The following RPS6KA2 variants were observed in gnomAD, a reference collection of about 807,000 sequenced individuals.
The protein encoded by RPS6KA2 is ribosomal protein S6 kinase A2, also known as ribosomal protein S6 kinase alpha-2.
RPS6KA2 carries 42 observed loss-of-function variants against 91.8 expected under a neutral mutation model. That is an observed-to-expected ratio of 0.46 (90% CI 0.36 to 0.59). The LOEUF is 0.59. Among genes scored for constraint, RPS6KA2 ranks in the 20% least tolerant of loss-of-function variants. RPS6KA2 has a pLI of 0.00. For missense variants in RPS6KA2, 798 were observed against 978.5 expected (o/e 0.82, Z 2.46); for synonymous variants, 414 against 393.6 (o/e 1.05, Z -0.61).
At position 166,683,589 on chromosome 6, in the gene RPS6KA2, A is replaced by G. The variant is rs114454706; in HGVS notation, c.124-144805T>C. Among the ~76,000 whole-genome samples the G allele has an allele frequency of 4.0e-3, 616 of 152,370 alleles. 6 individuals are homozygous for G. The highest frequency in any genetic ancestry group is 0.014 in the African/African-American group (590 of 41,588). ...TCATCTAAGGACAATGTGTGACTCAAATATTTCCTTCCATTAATCAGTAAA... is the reference window on the plus strand; with the variant it reads ...TCATCTAAGGACAATGTGTGACTCAGATATTTCCTTCCATTAATCAGTAAA... On this transcript the variant is annotated intron_variant, in intron 2 of 21. Transcript: ENST00000503859.
rs532531932 is a variant in RPS6KA2 at position 166,852,605 on chromosome 6, C to T, written c.123+5595G>A. On this transcript the variant is annotated intron_variant, in intron 2 of 21. Transcript: ENST00000503859. The surrounding 1 kb of genome is among the most constrained non-coding windows in gnomAD (Gnocchi z 4.1). Reference sequence around the variant, plus strand: ...CTTTCACCCTTTCTGCCTGTTGCCACGAGTCTCTTCCTGACCCTTTTCCTC... The same window carrying T: ...CTTTCACCCTTTCTGCCTGTTGCCATGAGTCTCTTCCTGACCCTTTTCCTC... Among the ~76,000 whole-genome samples the T allele has an allele frequency of 1.2e-4, 19 of 152,216 alleles. No homozygotes were observed. The highest frequency in any genetic ancestry group is 4.1e-4 in the African/African-American group (17 of 41,536).
chr6:166,668,635 C>T (rs1788386380), intron 2 of RPS6KA2, among the ~76,000 whole-genome samples: 1 of 152,098 alleles, frequency 6.6e-6, no homozygotes, highest in Non-Finnish European at 1.5e-5. Flanking sequence ...AACCTGGGAA[C>T]ACTGAGAACG....
At chr6:166,505,680 G>T (rs1292399547) in intron 5 of RPS6KA2, among the ~76,000 whole-genome samples, 1 of 152,232 alleles carries the variant, frequency 6.6e-6, no homozygotes, top group Non-Finnish European at 1.5e-5. Flanking sequence ...CACACAGGGG[G>T]TTCTTCCACA....
At position 166,701,022 on chromosome 6, in the gene RPS6KA2, G is replaced by T. The variant is rs557027972; in HGVS notation, c.123+157178C>A. On this transcript the variant is annotated intron_variant, in intron 2 of 21. Coordinates refer to the RPS6KA2 transcript ENST00000503859. ...GCATGTGATTCTGGATAGGGGGTCA[G>T]CGCCTGTCTGTTTGTTAAGCAATCT... 1.6e-5 allele frequency: 19 copies of T among 1,173,032 alleles called. No individual in the cohort carries two copies. In the Admixed American group the frequency reaches 2.2e-4, roughly 14 times the overall value. The allele number at this position is 1,173,032 out of a possible 1,614,324, so 72.7% of individuals were successfully genotyped here. A position where few individuals can be genotyped will look rare whatever the true frequency, so the allele number is the denominator to read the frequency against.
chr6:166,447,134 C>G (rs538775351), intron 14 of RPS6KA2, among the ~76,000 whole-genome samples: 2 of 152,270 alleles, frequency 1.3e-5, no homozygotes, highest in African/African-American at 4.8e-5. Context: ...ATCCTAGAAA[C>G]GCATGAAGCC....
chr6:166,719,416 T>C (rs1020557029), intron 2 of RPS6KA2, among the ~76,000 whole-genome samples: 2 of 152,242 alleles, frequency 1.3e-5, no homozygotes, highest in African/African-American at 4.8e-5. Context: ...CTAGCTCACA[T>C]AGCCAGAATG....
chr6:166,456,116 G>A (rs1252272080), intron 12 of RPS6KA2, among the ~76,000 whole-genome samples: 2 of 152,204 alleles, frequency 1.3e-5, no homozygotes, highest in Non-Finnish European at 2.9e-5. Flanking sequence ...AACCAACCAA[G>A]AGGCACGGAA....
At chr6:166,747,475 C>T (rs959891947) in intron 2 of RPS6KA2, among the ~76,000 whole-genome samples, 2 of 152,234 alleles carry the variant, frequency 1.3e-5, no homozygotes, top group Non-Finnish European at 2.9e-5. Context: ...TGTTCTACAA[C>T]ATCCTTCACA....
At chr6:166,664,299 GCT>G (rs2128558770) in intron 2 of RPS6KA2, among the ~76,000 whole-genome samples, 1 of 152,344 alleles carries the variant, frequency 6.6e-6, no homozygotes, top group South Asian at 2.1e-4. Flanking sequence ...AGCCCAGTGA[GCT>G]CACAGCTGGA....
chr6:166,489,928 G>A (rs569591232), intron 9 of RPS6KA2, among the ~76,000 whole-genome samples: 6 of 152,114 alleles, frequency 3.9e-5, no homozygotes, highest in African/African-American at 1.2e-4. Flanking sequence ...CTCCTCCACC[G>A]AGTGGCCTCA....
intron 1 of RPS6KA2, among the ~76,000 whole-genome samples, chr6:166,572,351 T>C (rs1322974176): frequency 6.6e-6 from 1 of 152,252 alleles, no homozygotes; most frequent in Non-Finnish European, 1.5e-5. Context: ...TTACTAATTC[T>C]AAGAAAAGAG....
chr6:166,706,706 C>CA lies in RPS6KA2; in HGVS notation c.123+151493dup, dbSNP rs1308541966. Among the ~76,000 whole-genome samples the CA allele has an allele frequency of 2.6e-5, 4 of 152,304 alleles. No individual in the cohort carries two copies. The East Asian group carries it at 7.7e-4, about 29-fold the overall frequency. ...TTAGGCAGGCTTTACGCACAGTACC[C>CA]AGGGGGAAGTAAAGCCCCGTGCCAA... On this transcript the variant is annotated intron_variant, in intron 2 of 21. Transcript: ENST00000503859.
chr6:166,452,008 T>C (rs1369739549), intron 12 of RPS6KA2, among the ~76,000 whole-genome samples: 1 of 152,096 alleles, frequency 6.6e-6, no homozygotes, highest in African/African-American at 2.4e-5. Context: ...AAGAGCAAAA[T>C]ACTCAAAGGA....
chr6:166,535,965 C>T (rs1044036259), intron 2 of RPS6KA2, among the ~76,000 whole-genome samples: 6 of 152,236 alleles, frequency 3.9e-5, no homozygotes, highest in East Asian at 3.8e-4. Context: ...TGAAGAGCAG[C>T]GGCTTCGGAG....
At chr6:166,727,654 G>T (rs896337418) in intron 2 of RPS6KA2, among the ~76,000 whole-genome samples, 8 of 151,922 alleles carry the variant, frequency 5.3e-5, no homozygotes, top group African/African-American at 1.9e-4. Context: ...ACACCCTCAG[G>T]TATCAGCGCC....
rs954371932 is a variant in RPS6KA2 at position 166,494,351 on chromosome 6, G to C, written c.748-3610C>G. ...CCGTTCCTCACAACCGTCTACAGAT[G>C]AATGGTCCAGTGGCAAGCAGCAGAG... On this transcript the variant is annotated intron_variant, in intron 8 of 20. Coordinates refer to ENST00000265678, the MANE Select transcript of RPS6KA2 (RefSeq NM_021135.6). The surrounding 1 kb of genome is among the most constrained non-coding windows in gnomAD (Gnocchi z 5.1). Among the ~76,000 whole-genome samples the C allele has an allele frequency of 1.3e-5, 2 of 152,172 alleles. No homozygotes were observed. The highest frequency in any genetic ancestry group is 4.8e-5 in the African/African-American group (2 of 41,446).
At chr6:166,773,186 C>T (rs765733038) in intron 2 of RPS6KA2, among the ~76,000 whole-genome samples, 50 of 152,222 alleles carry the variant, frequency 3.3e-4, no homozygotes, top group Admixed American at 7.8e-4. Flanking sequence ...ACTCCCCTTA[C>T]GGATCCCATC....
At chr6:166,747,155 C>T (rs1791042402) in intron 2 of RPS6KA2, among the ~76,000 whole-genome samples, 1 of 152,154 alleles carries the variant, frequency 6.6e-6, no homozygotes, top group Admixed American at 6.5e-5. Flanking sequence ...TCTCCTCTTC[C>T]TGGGGGTTGG....
At chr6:166,447,782 G>T (rs944543040) in intron 14 of RPS6KA2, among the ~76,000 whole-genome samples, 4 of 152,176 alleles carry the variant, frequency 2.6e-5, no homozygotes, top group Admixed American at 2.0e-4. Flanking sequence ...TGAAGGGCAA[G>T]CGTAGCACCG....
Sources: allele counts gnomAD v4.1 joint callset (sites outside exome capture counted in the v4.1 genomes callset), GRCh38; gene constraint gnomAD v4.1.1; non-coding constraint Gnocchi (gnomAD v3.1); transcripts MANE v1.5; gene names NCBI Gene and HGNC (gene_info 2026-07-23, HGNC 2026-07-21).